NRXN3: variants seen among roughly 807,000 people sequenced by gnomAD.
NRXN3 encodes the protein neurexin III.
A neutral mutation model predicts 137.6 loss-of-function variants in NRXN3; 32 were observed. That is an observed-to-expected ratio of 0.23 (90% CI 0.18 to 0.31). The LOEUF (loss-of-function observed/expected upper bound fraction) is 0.31. Among genes scored for constraint, NRXN3 ranks in the 10% least tolerant of loss-of-function variants. The probability of loss-of-function intolerance (pLI) is 1.00; values close to 1 mark genes in which losing one functional copy is unlikely to be tolerated. For missense variants in NRXN3, 1,574 were observed against 2,062.5 expected (o/e 0.76, Z 4.59); for synonymous variants, 798 against 784.5 (o/e 1.02, Z -0.29).
intron 4 of NRXN3, among the ~76,000 whole-genome samples, chr14:78,611,709 T>G (rs1319733437): frequency 6.6e-6 from 1 of 152,198 alleles, no homozygotes; most frequent in Non-Finnish European, 1.5e-5. Flanking sequence ...GACAGGACTC[T>G]TTCCTTTCTA....
chr14:78,752,484 G>A (rs981377777), intron 8 of NRXN3, among the ~76,000 whole-genome samples: 12 of 152,210 alleles, frequency 7.9e-5, no homozygotes, highest in Admixed American at 5.2e-4. Context: ...ACCTATGTAT[G>A]CCAAGCATTG....
Position 78,489,904 on chromosome 14 carries a change from C to T in NRXN3, c.758-155216C>T, listed in dbSNP as rs2153748345. On this transcript the variant is annotated intron_variant, in intron 4 of 20. Transcript: ENST00000335750. ...CACTCAAGAGCTCTCTGGAGATTTA[C>T]AGAGAGCTGGACTTTTTTTTTTTTT... is the stretch of plus-strand genomic sequence containing the variant. Among the ~76,000 whole-genome samples the T allele has an allele frequency of 2.2e-5, 3 of 138,334 alleles. No homozygotes were observed. The South Asian group carries it at 7.4e-4, about 34-fold the overall frequency. The allele number at this position is 138,334 out of a possible 152,430, so 90.8% of individuals were successfully genotyped here. A position where few individuals can be genotyped will look rare whatever the true frequency, so the allele number is the denominator to read the frequency against.
chr14:79,090,778 A>C (rs2049011378), intron 15 of NRXN3, among the ~76,000 whole-genome samples: 1 of 152,206 alleles, frequency 6.6e-6, no homozygotes. Context: ...AAATATGCAG[A>C]TCACATAATT....
chr14:78,372,102 TTTTC>T (rs1326893435), intron 4 of NRXN3, among the ~76,000 whole-genome samples: 1 of 151,930 alleles, frequency 6.6e-6, no homozygotes, highest in East Asian at 1.9e-4. Flanking sequence ...AGCATATTTA[TTTTC>T]TTTCTTTTTT....
chr14:78,645,397 C>A lies in NRXN3; in HGVS notation c.1035C>A (p.Val345=). The A allele has an allele frequency of 6.3e-7, 1 of 1,590,624 alleles. No individual in the cohort carries two copies. The highest frequency in any genetic ancestry group is 1.1e-5 in the South Asian group (1 of 90,190). Residue 345 remains valine (V), a synonymous_variant, in exon 5 of 21, where the codon GTC becomes GTA. Transcript: ENST00000335750. ...TCAACGACAACGCCTGGCATGATGT[C>A]AAAGTGACACGCAACCTCCGGCAGG... The part of the protein sequence containing the change: ...GKFNDNAWHD[V]KVTRNLRQVT...
chr14:78,854,290 A>AT (rs1252553255), intron 10 of NRXN3, among the ~76,000 whole-genome samples: 4 of 152,098 alleles, frequency 2.6e-5, no homozygotes, highest in Admixed American at 2.0e-4. Flanking sequence ...GTTAGTCATA[A>AT]TTTTTTGGGC....
intron 15 of NRXN3, among the ~76,000 whole-genome samples, chr14:79,240,709 C>T (rs1568740570): frequency 6.6e-6 from 1 of 152,074 alleles, no homozygotes; most frequent in Non-Finnish European, 1.5e-5. Context: ...ATAAAACATC[C>T]TTTTTTTCAT....
At chr14:79,236,090 T>A (rs373065002) in intron 15 of NRXN3, among the ~76,000 whole-genome samples, 5 of 152,246 alleles carry the variant, frequency 3.3e-5, no homozygotes, top group African/African-American at 1.2e-4. Context: ...AATTACACTT[T>A]ATTGATATTT....
At chr14:78,940,657 T>C (rs191070523) in intron 10 of NRXN3, among the ~76,000 whole-genome samples, 2 of 152,356 alleles carry the variant, frequency 1.3e-5, no homozygotes, top group East Asian at 3.9e-4. Flanking sequence ...GTTCCTTGAA[T>C]AGAATGATTT....
intron 19 of NRXN3, among the ~76,000 whole-genome samples, chr14:79,764,987 T>A (rs2099051408): frequency 6.6e-6 from 1 of 152,220 alleles, no homozygotes; most frequent in Non-Finnish European, 1.5e-5. Flanking sequence ...TTAAATATGC[T>A]CTAAATTTGT....
intron 4 of NRXN3, among the ~76,000 whole-genome samples, chr14:78,606,545 T>TA (rs1487887642): frequency 2.0e-5 from 3 of 152,216 alleles, no homozygotes; most frequent in African/African-American, 7.2e-5. Flanking sequence ...AATAAACACT[T>TA]ACGGTCTCTC....
chr14:78,587,876 T>C (rs76572173), intron 4 of NRXN3, among the ~76,000 whole-genome samples: 9,138 of 152,258 alleles, frequency 0.06, 408 homozygotes, highest in East Asian at 0.14. Flanking sequence ...ATAGAATCTT[T>C]AGTTTGCTAC....
At chr14:79,607,860 G>A (rs865777564) in intron 16 of NRXN3, among the ~76,000 whole-genome samples, 16 of 151,362 alleles carry the variant, frequency 1.1e-4, no homozygotes, top group East Asian at 3.9e-4. Context: ...TTGTCAAGAC[G>A]GGGTCTCACT....
At chr14:79,406,711 A>C in intron 15 of NRXN3, among the ~76,000 whole-genome samples, 1 of 152,242 alleles carries the variant, frequency 6.6e-6, no homozygotes. Context: ...TAAAGTTGCA[A>C]TTAAGGAGAA....
At chr14:79,173,346 A>G (rs921790303) in intron 15 of NRXN3, among the ~76,000 whole-genome samples, 44 of 152,082 alleles carry the variant, frequency 2.9e-4, no homozygotes, top group African/African-American at 1.1e-3. Context: ...CCTGGGCGAC[A>G]TGATGAGACC....
At chr14:78,306,608 G>A (rs1217682297) in intron 4 of NRXN3, among the ~76,000 whole-genome samples, 1 of 152,134 alleles carries the variant, frequency 6.6e-6, no homozygotes, top group East Asian at 1.9e-4. Flanking sequence ...GTAGGGCAGT[G>A]TATATCTGAG....
Position 78,458,476 on chromosome 14 carries a change from T to C in NRXN3, c.757+160616T>C, listed in dbSNP as rs1422293650. Among the ~76,000 whole-genome samples, 5 of 152,188 alleles carry C rather than the reference T, an allele frequency of 3.3e-5. No individual in the cohort carries two copies. The South Asian group carries it at 6.2e-4, about 19-fold the overall frequency. ...CCCTAGGCAGTCTGTACTATACTGA[T>C]TATTACCTGAGTCCCCTCTAGCTGT... On this transcript the variant is annotated intron_variant, in intron 4 of 20. Transcript: ENST00000335750.
chr14:78,540,000 A>G (rs1457673669), intron 4 of NRXN3, among the ~76,000 whole-genome samples: 2 of 152,080 alleles, frequency 1.3e-5, no homozygotes, highest in Non-Finnish European at 2.9e-5. Context: ...GTTCTTTTAC[A>G]TTTGCTGAGG....
At chr14:78,427,580 A>C (rs1197824653) in intron 4 of NRXN3, among the ~76,000 whole-genome samples, 2 of 152,222 alleles carry the variant, frequency 1.3e-5, no homozygotes, top group African/African-American at 4.8e-5. Context: ...GAAAAATGTA[A>C]AAGAAATTGC....
Sources: allele counts gnomAD v4.1 joint callset (sites outside exome capture counted in the v4.1 genomes callset), GRCh38; gene constraint gnomAD v4.1.1; transcripts MANE v1.5; gene names NCBI Gene and HGNC (gene_info 2026-07-23, HGNC 2026-07-21).